The following SCAPER variants were observed in gnomAD, a reference collection of about 807,000 sequenced individuals.
The protein encoded by SCAPER is S-phase cyclin A associated protein in the ER, also known as S phase cyclin A-associated protein in the endoplasmic reticulum.
In SCAPER, 98 loss-of-function variants were observed where a neutral mutation model predicts 182.2. The observed-to-expected ratio is 0.54, with a 90% CI of 0.46 to 0.64. The LOEUF (loss-of-function observed/expected upper bound fraction) is 0.64, where lower values mean the gene tolerates loss of function less well. Among genes scored for constraint, SCAPER ranks in the 30% least tolerant of loss-of-function variants. The pLI is 0.00. For synonymous variants in SCAPER, 605 were observed against 564.6 expected, an observed-to-expected ratio of 1.07 and a Z score of -1.01; for missense variants, 1,432 against 1,690.0, an observed-to-expected ratio of 0.85 and a Z score of 2.68.
chr15:76,738,891 A>C (rs1001390670), intron 15 of SCAPER, among the ~76,000 whole-genome samples: 1 of 152,188 alleles, frequency 6.6e-6, no homozygotes, highest in African/African-American at 2.4e-5. Context: ...AAAAATGGCA[A>C]AAATAAAGAC....
intron 15 of SCAPER, among the ~76,000 whole-genome samples, chr15:76,747,707 T>C (rs11631959): frequency 0.34 from 50,967 of 151,622 alleles, 8,813 homozygotes; most frequent in East Asian, 0.55. Context: ...GGTACCTCCC[T>C]CCTCTCTTAC....
chr15:76,574,727 G>A (rs1197868688), intron 22 of SCAPER, among the ~76,000 whole-genome samples: 1 of 152,088 alleles, frequency 6.6e-6, no homozygotes, highest in Non-Finnish European at 1.5e-5. Flanking sequence ...TTGTTTACAG[G>A]CAGTTTGGGG....
At chr15:76,574,944 T>C (rs2047708375) in intron 22 of SCAPER, among the ~76,000 whole-genome samples, 1 of 152,180 alleles carries the variant, frequency 6.6e-6, no homozygotes, top group South Asian at 2.1e-4. Flanking sequence ...CACTAATAGA[T>C]GCTCACCAGA....
intron 17 of SCAPER, among the ~76,000 whole-genome samples, chr15:76,722,979 T>A (rs2060351845): frequency 6.6e-6 from 1 of 152,186 alleles, no homozygotes; most frequent in Non-Finnish European, 1.5e-5. Context: ...AGCTTTTGAA[T>A]GTGTTTGCTC....
chr15:76,379,335 T>C (rs1446415223), intron 28 of SCAPER, among the ~76,000 whole-genome samples: 4 of 151,904 alleles, frequency 2.6e-5, no homozygotes, highest in Admixed American at 6.6e-5. Flanking sequence ...GAAGGAAATA[T>C]AGAGTTGCAT....
chr15:76,742,304 AG>A (rs1380625229), intron 15 of SCAPER, among the ~76,000 whole-genome samples: 1 of 151,728 alleles, frequency 6.6e-6, no homozygotes, highest in Non-Finnish European at 1.5e-5. Context: ...AGTACAAAAT[AG>A]GTAATCTATA....
intron 23 of SCAPER, among the ~76,000 whole-genome samples, chr15:76,562,058 GA>G (rs1405606119): frequency 7.1e-6 from 1 of 141,236 alleles, no homozygotes; most frequent in African/African-American, 2.6e-5. Context: ...TGAGGCGGAA[GA>G]ATCGCTTGAA....
At chr15:76,729,613 AC>A (rs2060800606) in intron 16 of SCAPER, among the ~76,000 whole-genome samples, 1 of 152,040 alleles carries the variant, frequency 6.6e-6, no homozygotes, top group African/African-American at 2.4e-5. Context: ...TTGTTTCCTG[AC>A]CCCATTATTC....
intron 5 of SCAPER, among the ~76,000 whole-genome samples, chr15:76,837,860 T>C (rs1169643198): frequency 6.6e-6 from 1 of 152,160 alleles, no homozygotes; most frequent in Non-Finnish European, 1.5e-5. Context: ...TGAGATCCCA[T>C]ATCATACCAG....
At chr15:76,776,210 CA>C (rs1378496703) in intron 8 of SCAPER, among the ~76,000 whole-genome samples, 4 of 152,048 alleles carry the variant, frequency 2.6e-5, no homozygotes, top group African/African-American at 9.7e-5. Flanking sequence ...TAGGCAAAGA[CA>C]AAATAGGCAT....
At chr15:76,794,335 C>T (rs1258175888) in intron 8 of SCAPER, among the ~76,000 whole-genome samples, 1 of 152,086 alleles carries the variant, frequency 6.6e-6, no homozygotes, top group Non-Finnish European at 1.5e-5. Flanking sequence ...TTGATTTTTA[C>T]AACACATTTC....
intron 20 of SCAPER, among the ~76,000 whole-genome samples, chr15:76,681,432 G>C (rs2057696464): frequency 6.6e-6 from 1 of 152,134 alleles, no homozygotes; most frequent in Admixed American, 6.5e-5. Context: ...AAGACCAAAG[G>C]GGATACAAAA....
chr15:76,789,520 A>C (rs1251825642), intron 8 of SCAPER, among the ~76,000 whole-genome samples: 60 of 152,200 alleles, frequency 3.9e-4, no homozygotes, highest in Non-Finnish European at 2.9e-5. Context: ...TTAATATTTA[A>C]AGCAGTCAAG....
chr15:76,831,721 T>A (rs916306071), intron 5 of SCAPER, among the ~76,000 whole-genome samples: 4 of 152,082 alleles, frequency 2.6e-5, no homozygotes, highest in African/African-American at 9.7e-5. Flanking sequence ...GGAGCATATT[T>A]GCTAGCAGCC....
intron 29 of SCAPER, among the ~76,000 whole-genome samples, chr15:76,356,299 G>A (rs541014232): frequency 5.3e-5 from 8 of 152,260 alleles, no homozygotes; most frequent in Admixed American, 1.3e-4. Flanking sequence ...GGGGCAGGGG[G>A]CAGGGCTGGA....
intron 22 of SCAPER, among the ~76,000 whole-genome samples, chr15:76,585,264 C>T (rs1247131683): frequency 1.3e-5 from 2 of 151,620 alleles, no homozygotes; most frequent in Admixed American, 1.3e-4. Context: ...AATAAATGGT[C>T]GACTATTATT....
rs565791454 is a variant in SCAPER, at chr15:76,594,743, G to T, written c.2712-20459C>A. Among the ~76,000 whole-genome samples the T allele has an allele frequency of 1.6e-5, 2 of 121,246 alleles. 1 individual carries two copies. Among genetic ancestry groups the T allele is most frequent in the Non-Finnish European group, 4.0e-5 (2 of 50,020 alleles). The allele number at this position is 121,246 out of a possible 152,430, so 79.5% of individuals were successfully genotyped here. A position where few individuals can be genotyped will look rare whatever the true frequency, so the allele number is the denominator to read the frequency against. On this transcript the variant is annotated intron_variant, in intron 22 of 31. Coordinates refer to ENST00000563290, the MANE Select transcript of SCAPER (RefSeq NM_020843.4). ...AGCCAAATTAAGCTTCATAAGCAAAGGAGAAATAAAATCCTTTACAGACAA... is the reference window on the plus strand; with the variant it reads ...AGCCAAATTAAGCTTCATAAGCAAATGAGAAATAAAATCCTTTACAGACAA...
chr15:76,484,895 G>A (rs2051472969), intron 24 of SCAPER, among the ~76,000 whole-genome samples: 1 of 136,392 alleles, frequency 7.3e-6, no homozygotes, highest in Non-Finnish European at 1.7e-5. Context: ...AGGTATTGAA[G>A]AAACATACCC....
chr15:76,502,961 C>T (rs946303950), intron 24 of SCAPER, among the ~76,000 whole-genome samples: 2 of 152,164 alleles, frequency 1.3e-5, no homozygotes, highest in African/African-American at 4.8e-5. Flanking sequence ...GAACAACATA[C>T]TCTGTCACAA....
Sources: gnomAD v4.1 joint callset for allele counts (sites outside exome capture counted in the v4.1 genomes callset) on GRCh38, gnomAD v4.1.1 for gene constraint, MANE v1.5 for transcripts, NCBI Gene and HGNC (gene_info 2026-07-23, HGNC 2026-07-21) for gene names.